The following SMARCA2 variants were observed in gnomAD, a reference collection of about 807,000 sequenced individuals.
SMARCA2 encodes SWI/SNF related BAF chromatin remodeling complex subunit ATPase 2.
A neutral mutation model predicts 199.8 loss-of-function variants in SMARCA2; 61 were observed. The ratio of observed to expected loss-of-function variants is 0.31; its 90% CI spans 0.25 to 0.38. The LOEUF is 0.38. SMARCA2 is among the 10% of genes least tolerant of loss of function. The probability of loss-of-function intolerance (pLI) is 1.00; values close to 1 mark genes in which losing one functional copy is unlikely to be tolerated. For missense variants in SMARCA2, 1,344 were observed against 2,012.2 expected (o/e 0.67, Z 6.35); for synonymous variants, 935 against 732.0 (o/e 1.28, Z -4.48).
chr9:2,029,127 A>G lies in SMARCA2; in HGVS notation c.105A>G (p.Pro35=), dbSNP rs1039400951. The G allele has an allele frequency of 3.7e-6, 6 of 1,609,924 alleles. No homozygotes were observed. In the East Asian group the frequency reaches 1.1e-4, roughly 30 times the overall value. ...TTGGGCCTAGTCCAGGACCAGGACCATCCCCAGGTTCCGTCCACAGCATGA... is the reference window on the plus strand; with the variant it reads ...TTGGGCCTAGTCCAGGACCAGGACCGTCCCCAGGTTCCGTCCACAGCATGA... ...PILGPSPGPG[P]SPGSVHSMMG... is the part of the protein sequence containing the mutation. The change falls in exon 2 of 34, where the codon CCA becomes CCG. Residue 35 remains proline, a synonymous_variant. Coordinates refer to ENST00000349721, the MANE Select transcript of SMARCA2 (RefSeq NM_003070.5).
At chr9:2,085,250 TA>T (rs1161070386) in intron 17 of SMARCA2, among the ~76,000 whole-genome samples, 1 of 152,226 alleles carries the variant, frequency 6.6e-6, no homozygotes, top group African/African-American at 2.4e-5. Context: ...TCAATATTAC[TA>T]TGGGAATGTG....
intron 28 of SMARCA2, among the ~76,000 whole-genome samples, chr9:2,168,342 C>G (rs538949111): frequency 1.7e-4 from 26 of 152,300 alleles, no homozygotes; most frequent in African/African-American, 6.3e-4. Flanking sequence ...ATTATAGCAG[C>G]TTTCCAAGAA....
chr9:2,168,225 G>A (rs1402368059), intron 28 of SMARCA2, among the ~76,000 whole-genome samples: 2 of 151,884 alleles, frequency 1.3e-5, no homozygotes, highest in Non-Finnish European at 2.9e-5. Context: ...TGGTCAGGCT[G>A]GTCTCGAACT....
At chr9:2,175,656 T>C (rs1468312419) in intron 29 of SMARCA2, among the ~76,000 whole-genome samples, 4 of 152,222 alleles carry the variant, frequency 2.6e-5, no homozygotes, top group Non-Finnish European at 5.9e-5. Context: ...GGTAACCCAA[T>C]TAAAGTGTTT....
At chr9:2,120,859 G>A (rs927089410) in intron 26 of SMARCA2, among the ~76,000 whole-genome samples, 3 of 152,170 alleles carry the variant, frequency 2.0e-5, no homozygotes, top group African/African-American at 7.2e-5. Flanking sequence ...GGTCAATGTA[G>A]GGCATTCATA....
rs140232582 is a variant in SMARCA2 at position 2,104,268 on chromosome 9, T to C, written c.3292+99T>C. 1.9e-3 allele frequency: 2,082 copies of C among 1,119,990 alleles called. 25 individuals carry two copies. The African/African-American group carries it at 0.028, about 15-fold the overall frequency. 69.4% of individuals were successfully genotyped at this position (1,119,990 alleles called of 1,614,324 possible). On this transcript the variant is annotated intron_variant, in intron 23 of 33. Coordinates refer to ENST00000349721, the MANE Select transcript of SMARCA2 (RefSeq NM_003070.5). The surrounding 1 kb of genome is among the most constrained non-coding windows in gnomAD (Gnocchi z 4.0). ...CTCAGCCAAAAAGAAGGGGTAAAAT[T>C]GAAGAATTGACTAGAAGCATTGGGA...
chr9:2,097,507 C>A, intron 21 of SMARCA2, 36 bp downstream of exon 21: 2 of 1,144,870 alleles, frequency 1.7e-6, no homozygotes, highest in Non-Finnish European at 2.6e-6. Context: ...CCTGATTGTG[C>A]TAATCATACT....
intron 29 of SMARCA2, among the ~76,000 whole-genome samples, chr9:2,176,857 C>T (rs1435098277): frequency 6.6e-6 from 1 of 152,088 alleles, no homozygotes; most frequent in Non-Finnish European, 1.5e-5. Flanking sequence ...TGTGCCCCAA[C>T]ATTGGGGTGA....
chr9:2,127,997 A>G (rs188065876), intron 27 of SMARCA2, among the ~76,000 whole-genome samples: 4 of 152,216 alleles, frequency 2.6e-5, no homozygotes, highest in Non-Finnish European at 1.5e-5. Flanking sequence ...CATTGTTTTG[A>G]AATTCCTATT....
At chr9:2,085,118 A>G (rs540020374) in intron 17 of SMARCA2, among the ~76,000 whole-genome samples, 44 of 152,298 alleles carry the variant, frequency 2.9e-4, no homozygotes, top group South Asian at 1.2e-3. Flanking sequence ...ATCATAGGAA[A>G]TAACAAAAAG....
intron 29 of SMARCA2, 104 bp from the exon 30 acceptor site, chr9:2,181,467 G>C (rs1411923347): frequency 1.5e-6 from 1 of 685,570 alleles, no homozygotes; most frequent in East Asian, 2.7e-5. Context: ...ATCTATATGC[G>C]TGGAATATAA....
chr9:2,167,189 T>C (rs774844268), intron 28 of SMARCA2, among the ~76,000 whole-genome samples: 4 of 152,256 alleles, frequency 2.6e-5, no homozygotes, highest in Non-Finnish European at 4.4e-5. Flanking sequence ...CAGGATTTAA[T>C]TAGTTTGCAA....
At chr9:2,092,871 A>G (rs545240453) in intron 19 of SMARCA2, among the ~76,000 whole-genome samples, 3 of 152,340 alleles carry the variant, frequency 2.0e-5, no homozygotes, top group African/African-American at 4.8e-5. Context: ...TTTCACATGC[A>G]TGCTCTAAAC....
chr9:2,029,071 C>T lies in SMARCA2; in HGVS notation c.49C>T (p.Pro17Ser), dbSNP rs1818952140. The change falls in exon 2 of 34, where the codon CCG (proline) becomes TCG (serine). Residue 17 changes from proline (P) to serine (S), a missense_variant. Pro to Ser is a moderately conservative substitution (Grantham distance 74). This residue lies in a region of SMARCA2 where 275 missense variants were observed against 247.5 expected (regional missense o/e 1.11). Transcript: ENST00000349721. ...PGAMPHPGPS[P>S]GPGPSPGPIL... ...TGCGATGCCCCACCCAGGGCCTTCG[C>T]CGGGGCCTGGGCCTTCCCCTGGGCC... is the stretch of plus-strand genomic sequence containing the variant. 2 of 1,565,952 alleles carry T rather than the reference C, an allele frequency of 1.3e-6. No homozygotes were observed. The highest frequency in any genetic ancestry group is 1.7e-6 in the Non-Finnish European group (2 of 1,154,046).
chr9:2,129,798 T>G (rs10964907), intron 27 of SMARCA2, among the ~76,000 whole-genome samples: 44,154 of 152,042 alleles, frequency 0.29, 11,698 homozygotes, highest in African/African-American at 0.7. Flanking sequence ...GTTACTCCTG[T>G]CACTACGGAG....
At chr9:2,090,952 A>G (rs1018469851) in intron 19 of SMARCA2, among the ~76,000 whole-genome samples, 2 of 152,134 alleles carry the variant, frequency 1.3e-5, no homozygotes, top group East Asian at 1.9e-4. Context: ...GCCACAAACA[A>G]TGTGCATGTC....
intron 27 of SMARCA2, among the ~76,000 whole-genome samples, chr9:2,152,342 A>G (rs1053441308): frequency 6.6e-6 from 1 of 152,162 alleles, no homozygotes; most frequent in African/African-American, 2.4e-5. Context: ...ACCTGAGGTC[A>G]AGAGAGTTTG....
intron 25 of SMARCA2, among the ~76,000 whole-genome samples, chr9:2,116,614 T>G (rs55951047): frequency 0.055 from 8,325 of 152,306 alleles, 757 homozygotes; most frequent in African/African-American, 0.19. Flanking sequence ...AAATTCTGGT[T>G]AAACAGCCTT....
intron 27 of SMARCA2, among the ~76,000 whole-genome samples, chr9:2,140,409 G>A (rs1824405750): frequency 1.3e-5 from 2 of 152,184 alleles, no homozygotes; most frequent in Admixed American, 1.3e-4. Flanking sequence ...TCACCAAAAT[G>A]AACATTTGTT....
Sources: gnomAD v4.1 joint callset for allele counts (sites outside exome capture counted in the v4.1 genomes callset) on GRCh38, gnomAD v4.1.1 for gene constraint, gnomAD v4.1.1 regional missense constraint, Gnocchi (gnomAD v3.1) non-coding constraint, MANE v1.5 for transcripts, NCBI Gene and HGNC (gene_info 2026-07-23, HGNC 2026-07-21) for gene names.